The following PLCL2 variants were observed in gnomAD, a reference collection of about 807,000 sequenced individuals.
The protein encoded by PLCL2 is inactive phospholipase C-like protein 2.
Under a neutral mutation model 79.6 loss-of-function variants are expected in PLCL2, and 4 were observed. The observed-to-expected ratio is 0.05, with a 90% confidence interval of 0.02 to 0.11. The LOEUF (loss-of-function observed/expected upper bound fraction) is 0.11, where lower values mean the gene tolerates loss of function less well. PLCL2 is among the 10% of genes least tolerant of loss of function. The pLI, the probability that PLCL2 is intolerant of heterozygous loss-of-function variation, is 1.00. For missense variants in PLCL2, 895 were observed against 1,291.0 expected, an observed-to-expected ratio of 0.69 and a Z score of 4.70; for synonymous variants, 484 against 457.7, an observed-to-expected ratio of 1.06 and a Z score of -0.73.
intron 1 of PLCL2, among the ~76,000 whole-genome samples, chr3:16,910,372 C>T (rs907700190): frequency 6.6e-6 from 1 of 152,112 alleles, no homozygotes; most frequent in South Asian, 2.1e-4. Context: ...AGTCAGTTTG[C>T]AGTCCTCCCC....
chr3:16,919,359 AC>A (rs1697071400), intron 1 of PLCL2, among the ~76,000 whole-genome samples: 1 of 152,038 alleles, frequency 6.6e-6, no homozygotes, highest in Non-Finnish European at 1.5e-5. Context: ...TTTACAACCC[AC>A]TGCATATGTA....
intron 1 of PLCL2, among the ~76,000 whole-genome samples, chr3:16,901,348 T>A (rs1696614807): frequency 1.3e-5 from 2 of 152,238 alleles, no homozygotes; most frequent in African/African-American, 4.8e-5. Flanking sequence ...GCTGATGAGG[T>A]CAAGGTCTCA....
chr3:16,896,901 T>C (rs996023222), intron 1 of PLCL2, among the ~76,000 whole-genome samples: 1 of 152,212 alleles, frequency 6.6e-6, no homozygotes, highest in East Asian at 1.9e-4. Context: ...CTGGCTGCAA[T>C]TGAATCAGAA....
chr3:16,894,849 A>C (rs1400964271), intron 1 of PLCL2, among the ~76,000 whole-genome samples: 4 of 152,034 alleles, frequency 2.6e-5, no homozygotes, highest in Admixed American at 1.3e-4. Context: ...ACATTTTCTG[A>C]ATATGTCTTT....
At chr3:17,063,386 A>G (rs1199452810) in intron 4 of PLCL2, among the ~76,000 whole-genome samples, 1 of 143,976 alleles carries the variant, frequency 6.9e-6, no homozygotes, top group Non-Finnish European at 1.5e-5. Context: ...TGACCCTCTA[A>G]TGCCTACTGA....
At chr3:17,003,842 C>T (rs1355076236) in intron 1 of PLCL2, among the ~76,000 whole-genome samples, 1 of 152,160 alleles carries the variant, frequency 6.6e-6, no homozygotes, top group East Asian at 1.9e-4. Flanking sequence ...TGGATGGGTT[C>T]TGCTTCTACC....
chr3:17,042,262 T>C (rs2064731158), intron 3 of PLCL2, among the ~76,000 whole-genome samples: 2 of 152,156 alleles, frequency 1.3e-5, no homozygotes, highest in Non-Finnish European at 1.5e-5. Flanking sequence ...CTTTCCCTTC[T>C]TCAAGCTTGG....
chr3:17,012,869 A>G (rs973678284), intron 2 of PLCL2, among the ~76,000 whole-genome samples: 1 of 152,224 alleles, frequency 6.6e-6, no homozygotes, highest in Non-Finnish European at 1.5e-5. Flanking sequence ...AGCAGCCCTA[A>G]CCTGTCATAG....
intron 1 of PLCL2, among the ~76,000 whole-genome samples, chr3:16,901,015 G>T (rs1459688231): frequency 6.6e-6 from 1 of 152,222 alleles, no homozygotes; most frequent in South Asian, 2.1e-4. Context: ...TTTTTCTTCT[G>T]TGAAAGGAAC....
chr3:17,027,677 T>G (rs1275900880), intron 3 of PLCL2, among the ~76,000 whole-genome samples: 1 of 152,230 alleles, frequency 6.6e-6, no homozygotes, highest in African/African-American at 2.4e-5. Flanking sequence ...TCCTTTAAAA[T>G]GTACTCACTG....
intron 1 of PLCL2, among the ~76,000 whole-genome samples, chr3:16,971,530 G>A (rs1219938225): frequency 8.5e-5 from 13 of 152,236 alleles, no homozygotes; most frequent in Non-Finnish European, 1.5e-4. Flanking sequence ...TTGGCAATGC[G>A]GGCTCTTTTT....
chr3:16,936,719 G>A (rs896270589), intron 1 of PLCL2, among the ~76,000 whole-genome samples: 1 of 151,858 alleles, frequency 6.6e-6, no homozygotes, highest in Non-Finnish European at 1.5e-5. Context: ...ATATAACTTT[G>A]TCAATACTTT....
intron 3 of PLCL2, among the ~76,000 whole-genome samples, chr3:17,038,006 A>G (rs1391213824): frequency 6.6e-6 from 1 of 152,178 alleles, no homozygotes; most frequent in Non-Finnish European, 1.5e-5. Flanking sequence ...TACTTTCAAA[A>G]CATAGCACTC....
chr3:17,053,510 C>T (rs1425413206), intron 4 of PLCL2, among the ~76,000 whole-genome samples: 2 of 152,294 alleles, frequency 1.3e-5, no homozygotes, highest in South Asian at 2.1e-4. Flanking sequence ...GCCCTGGCCC[C>T]TCCCAGATCT....
Position 17,050,418 on chromosome 3 carries a change from GTATATAA to G in PLCL2, c.3094+7470_3094+7476del, listed in dbSNP as rs1559532161. On this transcript the variant is annotated intron_variant, in intron 4 of 5. Transcript: ENST00000615277. ...ATGGGACAAGGAATTAATAACCCGA[GTATATAA>G]GGAGCTCAAACAACTCTGTAGGAAA... Among the ~76,000 whole-genome samples, 1,144 of 152,068 alleles carry G rather than the reference GTATATAA, an allele frequency of 7.5e-3. 16 individuals carry two copies. The highest frequency in any genetic ancestry group is 0.026 in the African/African-American group (1,072 of 41,520).
chr3:16,971,004 C>T (rs1260013141), intron 1 of PLCL2, among the ~76,000 whole-genome samples: 1 of 152,064 alleles, frequency 6.6e-6, no homozygotes, highest in Non-Finnish European at 1.5e-5. Context: ...TTCTCCCATT[C>T]TGTAGGTTGC....
At chr3:17,058,412 A>C (rs996552176) in intron 4 of PLCL2, among the ~76,000 whole-genome samples, 2 of 152,162 alleles carry the variant, frequency 1.3e-5, no homozygotes, top group Admixed American at 6.6e-5. Flanking sequence ...TGTGCTAACT[A>C]CTTATTGATG....
intron 5 of PLCL2, among the ~76,000 whole-genome samples, chr3:17,076,707 TC>T (rs1314093843): frequency 6.6e-6 from 1 of 152,120 alleles, no homozygotes; most frequent in Admixed American, 6.5e-5. Context: ...TTTGCCATGT[TC>T]CCCAGGTTGG....
chr3:16,937,886 A>G (rs1697579217), intron 1 of PLCL2, among the ~76,000 whole-genome samples: 1 of 152,232 alleles, frequency 6.6e-6, no homozygotes, highest in African/African-American at 2.4e-5. Context: ...TTGTACTTGC[A>G]TTAATTTTGG....
Sources: gnomAD v4.1 joint callset for allele counts (sites outside exome capture counted in the v4.1 genomes callset) on GRCh38, gnomAD v4.1.1 for gene constraint, MANE v1.5 for transcripts, NCBI Gene and HGNC (gene_info 2026-07-23, HGNC 2026-07-21) for gene names.